Variants in CLVS1 observed in about 807,000 individuals in gnomAD.
CLVS1 encodes clavesin-1.
In CLVS1, 10 loss-of-function variants were observed where a neutral mutation model predicts 33.1. The ratio of observed to expected loss-of-function variants is 0.30; its 90% confidence interval spans 0.19 to 0.51. The LOEUF is 0.51. Among genes scored for constraint, CLVS1 ranks in the 20% least tolerant of loss-of-function variants. The pLI is 0.97. For missense variants in CLVS1, 343 were observed against 433.4 expected (o/e 0.79, Z 1.85); for synonymous variants, 163 against 166.1 (o/e 0.98, Z 0.14).
chr8:61,397,336 T>C (rs1037966963), intron 3 of CLVS1, among the ~76,000 whole-genome samples: 2 of 152,188 alleles, frequency 1.3e-5, no homozygotes, highest in African/African-American at 4.8e-5. Flanking sequence ...TTCTTGGCCA[T>C]TTTAATATCT....
chr8:61,491,346 G>A (rs1385490217), intron 5 of CLVS1, among the ~76,000 whole-genome samples: 1 of 152,182 alleles, frequency 6.6e-6, no homozygotes, highest in African/African-American at 2.4e-5. Context: ...AGTGACATGA[G>A]TGACAAGAAG....
At chr8:61,403,989 C>A (rs527607697) in intron 3 of CLVS1, among the ~76,000 whole-genome samples, 1 of 152,270 alleles carries the variant, frequency 6.6e-6, no homozygotes, top group East Asian at 1.9e-4. Context: ...TGAGAGAATT[C>A]CAGACATAAT....
At chr8:61,120,694 G>A (rs1396155059) in intron 1 of CLVS1, among the ~76,000 whole-genome samples, 1 of 141,856 alleles carries the variant, frequency 7.0e-6, no homozygotes, top group Non-Finnish European at 1.5e-5. Flanking sequence ...CAGGGGTCAG[G>A]GGTCAGGGAC....
At position 61,117,959 on chromosome 8, in the gene CLVS1, C is replaced by T. The variant is rs568932029; in HGVS notation, c.-242-13811C>T. ...TTCAGAAGGAATGGTACCAGTTCCT[C>T]CTTGTACCTCTGGTAGACTTCGGCT... On this transcript the variant is annotated intron_variant, in intron 1 of 2. Transcript: ENST00000522621. Among the ~76,000 whole-genome samples, 16 of 152,300 alleles carry T rather than the reference C, an allele frequency of 1.1e-4. No individual in the cohort carries two copies. The East Asian group carries it at 2.9e-3, about 28-fold the overall frequency.
chr8:61,392,132 T>C (rs1563532260), intron 3 of CLVS1, among the ~76,000 whole-genome samples: 1 of 152,194 alleles, frequency 6.6e-6, no homozygotes, highest in East Asian at 1.9e-4. Flanking sequence ...AGAGCTGTCC[T>C]AGCCTGGGCA....
chr8:61,405,026 A>C (rs1814932214), intron 3 of CLVS1, among the ~76,000 whole-genome samples: 1 of 152,204 alleles, frequency 6.6e-6, no homozygotes, highest in Non-Finnish European at 1.5e-5. Flanking sequence ...GGCTCAGGGG[A>C]AACAGCTGCT....
intron 3 of CLVS1, 23 bp downstream of exon 3, chr8:61,376,802 A>G (rs1291903417): frequency 6.3e-7 from 1 of 1,582,528 alleles, no homozygotes; most frequent in South Asian, 1.1e-5. Context: ...AATGCGCAAT[A>G]CAAGACCATG....
intron 2 of CLVS1, among the ~76,000 whole-genome samples, chr8:61,304,426 AT>A (rs1810543710): frequency 1.3e-5 from 2 of 152,190 alleles, no homozygotes; most frequent in Admixed American, 6.5e-5. Flanking sequence ...TGACTTCTTC[AT>A]TTTTTGAGGC....
At chr8:61,048,762 GGCTA>G in the CLVS1 span, among the ~76,000 whole-genome samples, 2 of 152,062 alleles carry the variant, frequency 1.3e-5, no homozygotes, top group African/African-American at 4.8e-5. Context: ...ACCAGGACAA[GGCTA>G]GACTCTACCT....
At chr8:61,185,894 G>A (rs149416666) in intron 2 of CLVS1, among the ~76,000 whole-genome samples, 393 of 152,248 alleles carry the variant, frequency 2.6e-3, no homozygotes, top group African/African-American at 8.8e-3. Context: ...AGGTGTAAAG[G>A]CTATACAAAT....
chr8:61,182,684 T>C (rs1231552706), intron 2 of CLVS1, among the ~76,000 whole-genome samples: 1 of 152,204 alleles, frequency 6.6e-6, no homozygotes, highest in Non-Finnish European at 1.5e-5. Flanking sequence ...AAACAACAGA[T>C]GCTGACGAGG....
At chr8:61,084,957 C>T in intron 1 of CLVS1, among the ~76,000 whole-genome samples, 1 of 152,124 alleles carries the variant, frequency 6.6e-6, no homozygotes, top group East Asian at 1.9e-4. Flanking sequence ...ATCTTGTTTT[C>T]ACATAATAGT....
intron 1 of CLVS1, 35 bp from the exon 2 acceptor site, chr8:61,299,642 C>G (rs1166741546): frequency 1.6e-5 from 9 of 571,536 alleles, no homozygotes; most frequent in Non-Finnish European, 2.2e-5. Flanking sequence ...TGTATCATCT[C>G]TCTTCTGTTT....
chr8:61,339,254 C>A (rs1229180967), intron 2 of CLVS1, among the ~76,000 whole-genome samples: 1 of 152,086 alleles, frequency 6.6e-6, no homozygotes, highest in Non-Finnish European at 1.5e-5. Context: ...CGACCCCTTG[C>A]CTGCCCCGTC....
the CLVS1 span, among the ~76,000 whole-genome samples, chr8:61,047,284 G>A: frequency 2.0e-4 from 31 of 152,266 alleles, no homozygotes; most frequent in Admixed American, 2.6e-4. Flanking sequence ...TTAGAATGGC[G>A]ACCATTAAAA....
rs569859058 is a variant in CLVS1, at chr8:61,292,381, G to A, written c.-152+4243G>A. On this transcript the variant is annotated intron_variant, in intron 1 of 5. Transcript: ENST00000325897. ...CTGTGCAATCACATCCAGAAGAAGG[G>A]TCACGGTTACATGGATCTGCTGGGA... The A allele has an allele frequency of 2.2e-5, 10 of 456,198 alleles. No homozygotes were observed. The East Asian group carries it at 3.5e-4, about 16-fold the overall frequency. 28.3% of individuals were successfully genotyped at this position (456,198 alleles called of 1,614,324 possible). A position where few individuals can be genotyped will look rare whatever the true frequency, so the allele number is the denominator to read the frequency against.
chr8:61,044,970 A>G, the CLVS1 span, among the ~76,000 whole-genome samples: 74 of 152,358 alleles, frequency 4.9e-4, no homozygotes, highest in Middle Eastern at 3.4e-3. Flanking sequence ...CAGCAAAAGT[A>G]CAAACAACCA....
chr8:61,288,269 A>C (rs746312902), intron 1 of CLVS1, 131 bp downstream of exon 1: 12 of 455,736 alleles, frequency 2.6e-5, no homozygotes, highest in Admixed American at 1.4e-4. Flanking sequence ...ATCCCTCTGC[A>C]CTCCATCCCT....
intron 1 of CLVS1, among the ~76,000 whole-genome samples, chr8:61,059,193 C>A (rs1160049166): frequency 1.3e-5 from 2 of 151,876 alleles, no homozygotes; most frequent in Admixed American, 1.3e-4. Flanking sequence ...TTCCTCCATA[C>A]CTTAGCCAAA....
Sources: gnomAD v4.1 joint callset for allele counts (sites outside exome capture counted in the v4.1 genomes callset) on GRCh38, gnomAD v4.1.1 for gene constraint, MANE v1.5 for transcripts, NCBI Gene and HGNC (gene_info 2026-07-23, HGNC 2026-07-21) for gene names.